NCKAP5: variants seen among roughly 807,000 people sequenced by gnomAD.
The protein encoded by NCKAP5 is nck-associated protein 5.
NCKAP5 carries 92 observed loss-of-function variants against 167.0 expected under a neutral mutation model. That is an observed-to-expected ratio of 0.55 (90% confidence interval 0.47 to 0.66). The LOEUF (loss-of-function observed/expected upper bound fraction) is 0.66. Ranked by LOEUF, NCKAP5 falls within the 30% of genes least tolerant of loss-of-function variation. NCKAP5 has a pLI of 0.00. For missense variants in NCKAP5, 2,378 were observed against 2,315.0 expected, an observed-to-expected ratio of 1.03 and a Z score of -0.56; for synonymous variants, 891 against 877.4, an observed-to-expected ratio of 1.02 and a Z score of -0.27.
chr2:133,065,210 C>G (rs1322138525), intron 6 of NCKAP5, among the ~76,000 whole-genome samples: 14 of 152,158 alleles, frequency 9.2e-5, no homozygotes, highest in Admixed American at 9.2e-4. Flanking sequence ...AGGAATACTT[C>G]CACATTAGAA....
intron 3 of NCKAP5, among the ~76,000 whole-genome samples, chr2:133,390,711 A>C (rs1687339309): frequency 6.6e-6 from 1 of 152,088 alleles, no homozygotes. Flanking sequence ...TTAAAAATAG[A>C]CGCCTATGTA....
intron 4 of NCKAP5, among the ~76,000 whole-genome samples, chr2:133,245,314 C>T (rs1355998553): frequency 6.6e-6 from 1 of 152,068 alleles, no homozygotes; most frequent in Non-Finnish European, 1.5e-5. Context: ...TTTACGACTA[C>T]TTGCAATGAT....
In NCKAP5 at chr2:133,401,235, G is replaced by A. The variant is rs199860328; in HGVS notation, c.70-98125C>T. ...GAGGTTCTGGCAGGTTGGTGCCTCC[G>A]GAGAGAGCATAGAAACTCCATTCCC... On this transcript the variant is annotated intron_variant, in intron 3 of 19. Transcript: ENST00000409261. Among the ~76,000 whole-genome samples, 782 of 152,282 alleles carry A rather than the reference G, an allele frequency of 5.1e-3. 3 individuals are homozygous for A. The highest frequency in any genetic ancestry group is 0.017 in the Middle Eastern group (5 of 294).
intron 6 of NCKAP5, among the ~76,000 whole-genome samples, chr2:133,018,771 A>C (rs1034501925): frequency 2.0e-5 from 3 of 152,338 alleles, no homozygotes; most frequent in African/African-American, 7.2e-5. Flanking sequence ...ACTCAGAGGC[A>C]GGAGGAACAC....
intron 7 of NCKAP5, among the ~76,000 whole-genome samples, chr2:132,965,058 A>G (rs2076620435): frequency 6.6e-6 from 1 of 152,234 alleles, no homozygotes; most frequent in South Asian, 2.1e-4. Flanking sequence ...GTGTGTGTAT[A>G]TATAAATCAC....
chr2:133,566,304 A>G (rs1575167425), intron 1 of NCKAP5, among the ~76,000 whole-genome samples: 1 of 152,220 alleles, frequency 6.6e-6, no homozygotes. Context: ...ACTTGGAAGT[A>G]AAGCACAAAC....
At chr2:133,456,162 G>A (rs1221600728) in intron 3 of NCKAP5, among the ~76,000 whole-genome samples, 1 of 152,132 alleles carries the variant, frequency 6.6e-6, no homozygotes, top group Non-Finnish European at 1.5e-5. Context: ...GGAGTTCCTT[G>A]CTAAATTTTC....
chr2:133,286,403 G>C (rs1679145161), intron 4 of NCKAP5, among the ~76,000 whole-genome samples: 1 of 152,116 alleles, frequency 6.6e-6, no homozygotes, highest in African/African-American at 2.4e-5. Context: ...AGGAGTAGTG[G>C]AGAAAAAAGA....
At chr2:133,359,042 T>A (rs540935411) in intron 3 of NCKAP5, among the ~76,000 whole-genome samples, 1 of 152,332 alleles carries the variant, frequency 6.6e-6, no homozygotes, top group East Asian at 1.9e-4. Flanking sequence ...ATTTCTTTAT[T>A]TCAATTTTCA....
chr2:133,220,179 T>A (rs977721216), intron 4 of NCKAP5, among the ~76,000 whole-genome samples: 1 of 152,222 alleles, frequency 6.6e-6, no homozygotes, highest in Non-Finnish European at 1.5e-5. Context: ...CAACTGTGCT[T>A]CTGCAATGCA....
chr2:133,491,116 A>G (rs548878156), intron 3 of NCKAP5, among the ~76,000 whole-genome samples: 35 of 152,356 alleles, frequency 2.3e-4, no homozygotes, highest in African/African-American at 8.4e-4. Context: ...CTATCATTCA[A>G]TAGTCATCAA....
Position 133,040,803 on chromosome 2 carries a change from T to C in NCKAP5, c.342-46564A>G, listed in dbSNP as rs541961239. Among the ~76,000 whole-genome samples, 6 of 152,318 alleles carry C rather than the reference T, an allele frequency of 3.9e-5. No individual in the cohort carries two copies. The South Asian group carries it at 1.2e-3, about 32-fold the overall frequency. On this transcript the variant is annotated intron_variant, in intron 6 of 19. Transcript: ENST00000409261. ...CTTTACAAAAGGGAATTGATTTAGA[T>C]ATATTTGAAACGGGAGGTTGTGCAG... is the stretch of plus-strand genomic sequence containing the variant.
chr2:132,692,445 C>T (rs1405231626), intron 19 of NCKAP5, among the ~76,000 whole-genome samples: 1 of 152,046 alleles, frequency 6.6e-6, no homozygotes, highest in Admixed American at 6.6e-5. Flanking sequence ...TAACATAAAT[C>T]ATTACTTGGA....
chr2:133,564,046 A>G (rs1323967029), intron 1 of NCKAP5, among the ~76,000 whole-genome samples: 1 of 152,096 alleles, frequency 6.6e-6, no homozygotes, highest in Non-Finnish European at 1.5e-5. Context: ...AAGCAGGAGA[A>G]TCACTTGAAC....
At chr2:133,085,489 G>A (rs1027058707) in intron 6 of NCKAP5, among the ~76,000 whole-genome samples, 2 of 152,058 alleles carry the variant, frequency 1.3e-5, no homozygotes, top group Admixed American at 6.6e-5. Flanking sequence ...ATTTTTAACA[G>A]TGCTTATTTC....
intron 8 of NCKAP5, among the ~76,000 whole-genome samples, chr2:132,892,428 C>A (rs1456749847): frequency 6.6e-6 from 1 of 152,112 alleles, no homozygotes; most frequent in African/African-American, 2.4e-5. Context: ...ATATTCCATC[C>A]CCCACCACCA....
chr2:133,444,906 T>C (rs1451311222), intron 3 of NCKAP5, among the ~76,000 whole-genome samples: 1 of 152,174 alleles, frequency 6.6e-6, no homozygotes, highest in Non-Finnish European at 1.5e-5. Flanking sequence ...GTCGCCTCCA[T>C]GTGAAGAATT....
intron 8 of NCKAP5, among the ~76,000 whole-genome samples, chr2:132,952,767 C>T (rs1238819560): frequency 3.9e-5 from 6 of 152,116 alleles, no homozygotes; most frequent in African/African-American, 9.7e-5. Flanking sequence ...ATGGAATGCA[C>T]GTATTTTTCT....
intron 6 of NCKAP5, among the ~76,000 whole-genome samples, chr2:133,008,509 A>C (rs571824704): frequency 9.8e-5 from 15 of 152,292 alleles, no homozygotes; most frequent in Admixed American, 3.3e-4. Flanking sequence ...ACTTGCAAAA[A>C]ACTTTATAAC....
Sources: allele counts gnomAD v4.1 joint callset (sites outside exome capture counted in the v4.1 genomes callset), GRCh38; gene constraint gnomAD v4.1.1; transcripts MANE v1.5; gene names NCBI Gene and HGNC (gene_info 2026-07-23, HGNC 2026-07-21).